The following GALNTL6 variants were observed in gnomAD, a reference collection of about 807,000 sequenced individuals.
GALNTL6 encodes polypeptide N-acetylgalactosaminyltransferase-like 6.
A neutral mutation model predicts 73.7 loss-of-function variants in GALNTL6; 46 were observed. The ratio of observed to expected loss-of-function variants is 0.62; its 90% CI spans 0.49 to 0.80. GALNTL6 has a LOEUF of 0.80. Among genes scored for constraint, GALNTL6 ranks in the 30% least tolerant of loss-of-function variants. The pLI, the probability that GALNTL6 is intolerant of heterozygous loss-of-function variation, is 0.00. For synonymous variants in GALNTL6, 259 were observed against 263.7 expected (o/e 0.98, Z 0.17); for missense variants, 604 against 755.0 (o/e 0.80, Z 2.34).
chr4:172,412,197 T>A (rs912086783), intron 5 of GALNTL6, among the ~76,000 whole-genome samples: 27 of 152,038 alleles, frequency 1.8e-4, no homozygotes, highest in African/African-American at 6.3e-4. Context: ...ATTCATGGCA[T>A]CACTCTTGGT....
At chr4:172,735,419 G>A (rs1222545799) in intron 5 of GALNTL6, among the ~76,000 whole-genome samples, 1 of 152,186 alleles carries the variant, frequency 6.6e-6, no homozygotes, top group Non-Finnish European at 1.5e-5. Context: ...TTTGGAACAG[G>A]TGTGTTTACC....
intron 3 of GALNTL6, among the ~76,000 whole-genome samples, chr4:172,274,370 T>C (rs1213171238): frequency 6.6e-6 from 1 of 152,248 alleles, no homozygotes; most frequent in Non-Finnish European, 1.5e-5. Context: ...TAGTTACCTC[T>C]ATCTGGTATC....
intron 2 of GALNTL6, among the ~76,000 whole-genome samples, chr4:171,826,234 G>GTA (rs759909883): frequency 6.6e-6 from 1 of 152,038 alleles, no homozygotes; most frequent in Non-Finnish European, 1.5e-5. Flanking sequence ...ATCTTTCACT[G>GTA]TGAGTATAGG....
At chr4:172,816,265 A>G (rs1331092209) in intron 7 of GALNTL6, among the ~76,000 whole-genome samples, 1 of 152,262 alleles carries the variant, frequency 6.6e-6, no homozygotes, top group Non-Finnish European at 1.5e-5. Flanking sequence ...TGCAAAAATT[A>G]TCTTTCTGTA....
intron 5 of GALNTL6, among the ~76,000 whole-genome samples, chr4:172,497,658 A>G (rs2110765975): frequency 6.6e-6 from 1 of 152,366 alleles, no homozygotes; most frequent in Admixed American, 6.5e-5. Flanking sequence ...TTATGTAACA[A>G]TTATTCAAAA....
rs1731115561 is a variant in GALNTL6, at chr4:172,423,353, A to G, written c.553+74664A>G. Among the ~76,000 whole-genome samples the G allele has an allele frequency of 2.6e-5, 4 of 152,016 alleles. No individual in the cohort carries two copies. In the South Asian group the frequency reaches 8.3e-4, roughly 32 times the overall value. On this transcript the variant is annotated intron_variant, in intron 5 of 12. Coordinates refer to ENST00000506823, the MANE Select transcript of GALNTL6 (RefSeq NM_001034845.3). ...AGGTGCTTATGGTGATCCATTTGGC[A>G]TTACCTAATTTGCCCCCTTTTTTTA...
intron 5 of GALNTL6, among the ~76,000 whole-genome samples, chr4:172,411,636 C>T (rs1744440545): frequency 6.6e-6 from 1 of 151,318 alleles, no homozygotes; most frequent in South Asian, 2.1e-4. Context: ...AAGTACAGCA[C>T]ACTGGAATAT....
chr4:172,348,329 G>A (rs956018257), intron 4 of GALNTL6, among the ~76,000 whole-genome samples, 194 bp from the exon 5 acceptor site: 5 of 152,208 alleles, frequency 3.3e-5, no homozygotes, highest in African/African-American at 1.2e-4. Flanking sequence ...TTCATTAAGA[G>A]TGAGTGTGAA....
intron 2 of GALNTL6, among the ~76,000 whole-genome samples, chr4:172,083,368 A>G (rs1731937744): frequency 3.9e-5 from 6 of 152,174 alleles, no homozygotes; most frequent in Admixed American, 3.9e-4. Context: ...AGCTAGTGAT[A>G]TCCTAGCTCA....
chr4:172,985,147 G>A (rs191118071), intron 10 of GALNTL6, among the ~76,000 whole-genome samples: 6 of 152,208 alleles, frequency 3.9e-5, no homozygotes, highest in Non-Finnish European at 5.9e-5. Context: ...AATATGAGAT[G>A]AGTCTGGATT....
intron 2 of GALNTL6, among the ~76,000 whole-genome samples, chr4:172,100,681 T>C (rs1732485608): frequency 6.6e-6 from 1 of 152,214 alleles, no homozygotes. Context: ...TCTTTCAAGT[T>C]GGCATTATTA....
At chr4:173,015,149 C>G (rs1430721150) in intron 11 of GALNTL6, among the ~76,000 whole-genome samples, 1 of 152,214 alleles carries the variant, frequency 6.6e-6, no homozygotes, top group South Asian at 2.1e-4. Context: ...GAGGCCTTCC[C>G]AGCCATGCTG....
At chr4:171,903,656 C>T (rs1008203924) in intron 2 of GALNTL6, among the ~76,000 whole-genome samples, 6 of 147,794 alleles carry the variant, frequency 4.1e-5, no homozygotes, top group Non-Finnish European at 8.9e-5. Context: ...CTCAAGGAGG[C>T]CTGCCTGCCT....
chr4:172,609,181 T>C (rs1483146229), intron 5 of GALNTL6, among the ~76,000 whole-genome samples: 1 of 152,146 alleles, frequency 6.6e-6, no homozygotes, highest in Non-Finnish European at 1.5e-5. Flanking sequence ...ATTATTCATG[T>C]TGAATAGGAG....
At chr4:172,273,863 T>C (rs972519426) in intron 3 of GALNTL6, among the ~76,000 whole-genome samples, 1 of 152,100 alleles carries the variant, frequency 6.6e-6, no homozygotes, top group African/African-American at 2.4e-5. Flanking sequence ...TGGTGACCTT[T>C]CAGCTGATGG....
At chr4:172,756,715 G>A (rs190359634) in intron 5 of GALNTL6, among the ~76,000 whole-genome samples, 4 of 151,984 alleles carry the variant, frequency 2.6e-5, no homozygotes, top group African/African-American at 4.8e-5. Context: ...AATATTATGA[G>A]ATTTATGATT....
At chr4:172,255,124 T>G (rs536108572) in intron 3 of GALNTL6, among the ~76,000 whole-genome samples, 117 of 151,658 alleles carry the variant, frequency 7.7e-4, no homozygotes, top group Non-Finnish European at 1.3e-3. Context: ...AATATTCATT[T>G]TTCCCAGACA....
intron 5 of GALNTL6, among the ~76,000 whole-genome samples, chr4:172,359,044 G>T (rs2111235409): frequency 6.6e-6 from 1 of 152,168 alleles, no homozygotes; most frequent in East Asian, 1.9e-4. Flanking sequence ...TGTACCCAAA[G>T]GAATATAAAT....
intron 3 of GALNTL6, among the ~76,000 whole-genome samples, chr4:172,282,276 T>G (rs1739088289): frequency 1.3e-5 from 2 of 152,156 alleles, no homozygotes; most frequent in Non-Finnish European, 2.9e-5. Flanking sequence ...CGTATGAACA[T>G]TGCTATGCTT....
Sources: gnomAD v4.1 joint callset for allele counts (sites outside exome capture counted in the v4.1 genomes callset) on GRCh38, gnomAD v4.1.1 for gene constraint, MANE v1.5 for transcripts, NCBI Gene and HGNC (gene_info 2026-07-23, HGNC 2026-07-21) for gene names.